SNX16: variants seen among roughly 807,000 people sequenced by gnomAD.
SNX16 encodes sorting nexin-16.
Under a neutral mutation model 36.7 loss-of-function variants are expected in SNX16, and 35 were observed. That is an observed-to-expected ratio of 0.95 (90% CI 0.73 to 1.27). The LOEUF is 1.27. Ranked by LOEUF, SNX16 falls within the 50% of genes most tolerant of loss-of-function variation. The pLI is 0.00. For synonymous variants in SNX16, 134 were observed against 132.0 expected (o/e 1.02, Z -0.10); for missense variants, 367 against 393.6 (o/e 0.93, Z 0.57).
intron 3 of SNX16, among the ~76,000 whole-genome samples, chr8:81,826,283 T>C (rs954828831): frequency 6.6e-6 from 1 of 152,152 alleles, no homozygotes; most frequent in Non-Finnish European, 1.5e-5. Flanking sequence ...TTCTTTTTAA[T>C]GTGAGGACTG....
intron 7 of SNX16, among the ~76,000 whole-genome samples, 183 bp from the exon 8 acceptor site, chr8:81,801,776 T>C (rs1443821427): frequency 6.6e-6 from 1 of 151,698 alleles, no homozygotes; most frequent in East Asian, 1.9e-4. Flanking sequence ...TAAGTTGTCA[T>C]TGCCAAGTAA....
At chr8:81,823,442 C>T (rs935854) in intron 4 of SNX16, among the ~76,000 whole-genome samples, 9,252 of 152,016 alleles carry the variant, frequency 0.061, 375 homozygotes, top group Middle Eastern at 0.11. Flanking sequence ...CTTACAATTA[C>T]ATAGTATCAT....
chr8:81,809,520 G>A (rs1810125371), intron 5 of SNX16, among the ~76,000 whole-genome samples: 1 of 152,054 alleles, frequency 6.6e-6, no homozygotes, highest in Admixed American at 6.5e-5. Context: ...TTTATGTGCT[G>A]GTGTGTAGGG....
At chr8:81,841,096 T>C (rs903981620) in intron 1 of SNX16, among the ~76,000 whole-genome samples, 7 of 152,160 alleles carry the variant, frequency 4.6e-5, no homozygotes, top group Non-Finnish European at 1.0e-4. Context: ...ATCCCAGCAC[T>C]TTGGGAGGAT....
intron 4 of SNX16, among the ~76,000 whole-genome samples, chr8:81,816,981 C>A (rs942651540): frequency 1.1e-4 from 16 of 152,134 alleles, no homozygotes; most frequent in African/African-American, 3.9e-4. Context: ...CAGAATAGAA[C>A]AAGGTCTTCT....
intron 4 of SNX16, among the ~76,000 whole-genome samples, chr8:81,818,324 A>T (rs1309062401): frequency 6.6e-6 from 1 of 152,064 alleles, no homozygotes; most frequent in East Asian, 1.9e-4. Flanking sequence ...AATATCTTAA[A>T]TTTTCTTTTT....
chr8:81,828,009 T>G (rs1282883440), intron 3 of SNX16, among the ~76,000 whole-genome samples: 1 of 152,214 alleles, frequency 6.6e-6, no homozygotes, highest in Non-Finnish European at 1.5e-5. Context: ...CTGCCCCATC[T>G]AAATTTCCTC....
At chr8:81,830,579 TAAAAA>T (rs752827905) in intron 2 of SNX16, among the ~76,000 whole-genome samples, 4 of 90,254 alleles carry the variant, frequency 4.4e-5, no homozygotes, top group Non-Finnish European at 6.5e-5. Flanking sequence ...GTCTAGGGGG[TAAAAA>T]AAAAAAAAAA....
Position 81,840,074 on chromosome 8 carries a change from A to G in SNX16, c.-88T>C, listed in dbSNP as rs1811675769. On this transcript the variant is annotated 5_prime_UTR_variant, in exon 2 of 8. Coordinates refer to ENST00000345957, the MANE Select transcript of SNX16 (RefSeq NM_152836.3). ...GCAATCCATTATTTTCTTCTTAGGA[A>G]TTCACTATCTAAAAATGAAAAGGAC... 1 of 1,417,508 alleles carries G rather than the reference A, an allele frequency of 7.1e-7. No homozygotes were observed. The highest frequency in any genetic ancestry group is 2.3e-5 in the Admixed American group (1 of 43,324). The allele number at this position is 1,417,508 out of a possible 1,614,324, so 87.8% of individuals were successfully genotyped here.
At chr8:81,840,516 G>C (rs547316113) in intron 1 of SNX16, 2 of 152,668 alleles carry the variant, frequency 1.3e-5, no homozygotes, top group Non-Finnish European at 2.9e-5. Flanking sequence ...TAATCAGAAA[G>C]GGAGGAAATC....
Position 81,839,590 on chromosome 8 carries a change from T to C in SNX16, c.375+22A>G, listed in dbSNP as rs770578915. ...GCCAATCTTTCACTTTGTAGTGTTA[T>C]ACAGCAGAAGTCAATACTTACAGTA... On this transcript the variant is annotated intron_variant, in intron 2 of 7. Transcript: ENST00000345957. The C allele has an allele frequency of 2.3e-5, 36 of 1,589,046 alleles. 2 individuals are homozygous for C. The Admixed American group carries it at 5.0e-4, about 22-fold the overall frequency.
intron 5 of SNX16, among the ~76,000 whole-genome samples, chr8:81,808,885 G>C (rs1277486012): frequency 6.6e-6 from 1 of 152,058 alleles, no homozygotes; most frequent in African/African-American, 2.4e-5. Flanking sequence ...CATGTGCATA[G>C]GCAAAAAACT....
chr8:81,829,949 C>T (rs1253366363), intron 2 of SNX16, among the ~76,000 whole-genome samples: 7 of 151,960 alleles, frequency 4.6e-5, no homozygotes, highest in Non-Finnish European at 7.4e-5. Flanking sequence ...ATATGGAAGT[C>T]CTAGCCAAAG....
intron 5 of SNX16, among the ~76,000 whole-genome samples, chr8:81,809,633 ATAT>A (rs1324526812): frequency 1.2e-4 from 18 of 152,206 alleles, no homozygotes; most frequent in African/African-American, 3.9e-4. Context: ...TAACAGTAAG[ATAT>A]TATTTTATAC....
Position 81,809,125 on chromosome 8 carries a change from G to C in SNX16, c.682-5897C>G, listed in dbSNP as rs191859333. Among the ~76,000 whole-genome samples, 335 of 152,124 alleles carry C rather than the reference G, an allele frequency of 2.2e-3. 1 individual carries two copies. Among genetic ancestry groups the C allele is most frequent in the African/African-American group, 7.7e-3 (319 of 41,476 alleles). On this transcript the variant is annotated intron_variant, in intron 5 of 7. Transcript: ENST00000345957. ...GCCATCTTGGTAAATTTCCCCAACA[G>C]TGTGAAGTTAGAATTCCTTCAGAGT...
intron 5 of SNX16, chr8:81,807,720 C>G: frequency 3.3e-6 from 2 of 599,288 alleles, no homozygotes. Context: ...TCCTTTCTGC[C>G]CGTGGATGCC....
chr8:81,823,518 A>G (rs1586004394), intron 4 of SNX16, among the ~76,000 whole-genome samples: 2 of 152,232 alleles, frequency 1.3e-5, no homozygotes, highest in Admixed American at 1.3e-4. Context: ...ACAAAATACT[A>G]AAAGTTTACC....
At chr8:81,815,135 T>C (rs1023309230) in intron 5 of SNX16, 190 bp downstream of exon 5, 1 of 336,572 alleles carries the variant, frequency 3.0e-6, no homozygotes, top group East Asian at 4.4e-5. Context: ...ATTTTTACTT[T>C]TTCACTGAGC....
At chr8:81,806,640 C>T (rs1000974131) in intron 5 of SNX16, among the ~76,000 whole-genome samples, 8 of 152,082 alleles carry the variant, frequency 5.3e-5, no homozygotes, top group Non-Finnish European at 1.2e-4. Context: ...GGATGCCCAC[C>T]ATAATGGCTT....
Sources: gnomAD v4.1 joint callset for allele counts (sites outside exome capture counted in the v4.1 genomes callset) on GRCh38, gnomAD v4.1.1 for gene constraint, MANE v1.5 for transcripts, NCBI Gene and HGNC (gene_info 2026-07-23, HGNC 2026-07-21) for gene names.